The following MLF1 variants were observed in gnomAD, a reference collection of about 807,000 sequenced individuals.
MLF1 encodes the protein myelodysplasia-myeloid leukemia factor 1.
Under a neutral mutation model 38.3 loss-of-function variants are expected in MLF1, and 37 were observed. The ratio of observed to expected loss-of-function variants is 0.96; its 90% CI spans 0.74 to 1.27. The LOEUF (loss-of-function observed/expected upper bound fraction) is 1.27, where lower values mean the gene tolerates loss of function less well. Ranked by LOEUF, MLF1 falls within the 50% of genes most tolerant of loss-of-function variation. MLF1 has a pLI of 0.00. For synonymous variants in MLF1, 95 were observed against 106.5 expected, an observed-to-expected ratio of 0.89 and a Z score of 0.66; for missense variants, 331 against 349.2, an observed-to-expected ratio of 0.95 and a Z score of 0.42.
At chr3:158,594,631 T>A (rs1364379464) in intron 3 of MLF1, among the ~76,000 whole-genome samples, 1 of 152,190 alleles carries the variant, frequency 6.6e-6, no homozygotes, top group Non-Finnish European at 1.5e-5. Flanking sequence ...TAGTGATGGC[T>A]TACTTCTACT....
intron 6 of MLF1, among the ~76,000 whole-genome samples, chr3:158,601,560 A>G (rs1326327053): frequency 6.6e-6 from 1 of 151,250 alleles, no homozygotes; most frequent in East Asian, 2.0e-4. Flanking sequence ...ACAGAGCGAG[A>G]CTCTGTCTCA....
chr3:158,598,292 T>A, intron 5 of MLF1, 84 bp downstream of exon 5: 1 of 1,376,324 alleles, frequency 7.3e-7, no homozygotes, highest in South Asian at 1.4e-5. Context: ...TATTAAAATT[T>A]AATCTGGTAC....
At chr3:158,577,837 T>C (rs536464018) in intron 1 of MLF1, among the ~76,000 whole-genome samples, 1 of 152,260 alleles carries the variant, frequency 6.6e-6, no homozygotes, top group South Asian at 2.1e-4. Flanking sequence ...TAAATATCCA[T>C]GAAAAAGGAG....
chr3:158,571,802 TG>T (rs2108527746), intron 1 of MLF1, among the ~76,000 whole-genome samples: 1 of 31,098 alleles, frequency 3.2e-5, no homozygotes, highest in East Asian at 8.9e-4. Flanking sequence ...GGGGAAGGGT[TG>T]AGGGTGTGAG....
intron 1 of MLF1, 32 bp from the exon 2 acceptor site, chr3:158,592,402 G>GA: frequency 6.4e-7 from 1 of 1,568,052 alleles, no homozygotes; most frequent in South Asian, 1.2e-5. Context: ...CTCCAACACT[G>GA]AATCTTTCAT....
intron 5 of MLF1, among the ~76,000 whole-genome samples, chr3:158,598,604 A>C (rs1309515688): frequency 6.6e-6 from 1 of 152,212 alleles, no homozygotes; most frequent in Non-Finnish European, 1.5e-5. Flanking sequence ...AGTGTACAGA[A>C]AGGATATAGA....
At chr3:158,590,796 A>G in intron 1 of MLF1, 1 of 455,822 alleles carries the variant, frequency 2.2e-6, no homozygotes, top group South Asian at 1.6e-5. Flanking sequence ...CATCTTAATT[A>G]TGGTGGAGGT....
Position 158,571,250 on chromosome 3 carries a change from CAT to C in MLF1, c.-50_-49del, listed in dbSNP as rs1247672970. 6.8e-7 allele frequency: 1 copy of C among 1,472,772 alleles called. No homozygotes were observed. The highest frequency in any genetic ancestry group is 1.4e-5 in the African/African-American group (1 of 72,080). 91.2% of individuals were successfully genotyped at this position (1,472,772 alleles called of 1,614,324 possible). On this transcript the variant is annotated 5_prime_UTR_variant, in exon 1 of 8. Coordinates refer to ENST00000466246, the MANE Select transcript of MLF1 (RefSeq NM_001369783.1). ...TCTTGTCGCGGCCGCGGCGAGTTAA[CAT>C]CGTTTTTCCAATCTGTCCGCGGCTG...
At chr3:158,604,739 A>C (rs1056237191) in intron 7 of MLF1, among the ~76,000 whole-genome samples, 2 of 151,958 alleles carry the variant, frequency 1.3e-5, no homozygotes, top group Non-Finnish European at 2.9e-5. Context: ...ACTCACTGCA[A>C]CCTCCACCTC....
At chr3:158,595,820 G>A (rs752700950) in intron 3 of MLF1, among the ~76,000 whole-genome samples, 17 of 152,172 alleles carry the variant, frequency 1.1e-4, no homozygotes, top group South Asian at 2.1e-4. Flanking sequence ...TCAGAGCTCC[G>A]CTTGGTTGAA....
At chr3:158,590,115 A>G (rs1717901920) in intron 1 of MLF1, among the ~76,000 whole-genome samples, 1 of 152,232 alleles carries the variant, frequency 6.6e-6, no homozygotes, top group Non-Finnish European at 1.5e-5. Context: ...CAAGTCCAAG[A>G]CTGGGAAAAA....
chr3:158,602,702 T>G, intron 6 of MLF1, 105 bp from the exon 7 acceptor site: 1 of 1,090,876 alleles, frequency 9.2e-7, no homozygotes, highest in South Asian at 1.8e-5. Context: ...GTATTGAGGT[T>G]ACACTAATGA....
At chr3:158,582,533 C>G (rs190921933) in intron 1 of MLF1, 60 of 229,884 alleles carry the variant, frequency 2.6e-4, no homozygotes, top group African/African-American at 1.3e-3. Flanking sequence ...AAAATTAAAC[C>G]TAGGTGTGTC....
rs1400341740 is a variant in MLF1 at position 158,571,494 on chromosome 3, G to T, written c.47+147G>T. ...GTTTGAAGGAGACGAGGATTTGGAG[G>T]CCTGGGAGGGAAGAGAGAGGAGGAT... On this transcript the variant is annotated intron_variant, in intron 1 of 7. Coordinates refer to ENST00000466246, the MANE Select transcript of MLF1 (RefSeq NM_001369783.1). 4 of 904,944 alleles carry T rather than the reference G, an allele frequency of 4.4e-6. No individual in the cohort carries two copies. In the African/African-American group the frequency reaches 6.7e-5, roughly 15 times the overall value. The allele number at this position is 904,944 out of a possible 1,614,324, so 56.1% of individuals were successfully genotyped here. A position where few individuals can be genotyped will look rare whatever the true frequency, so the allele number is the denominator to read the frequency against.
intron 1 of MLF1, chr3:158,591,291 C>T: frequency 2.5e-6 from 1 of 394,508 alleles, no homozygotes; most frequent in Non-Finnish European, 4.9e-6. Flanking sequence ...TCCGGAGTAG[C>T]TGGGATTATA....
intron 3 of MLF1, 98 bp downstream of exon 3, chr3:158,593,524 TC>T (rs1576674737): frequency 1.1e-6 from 1 of 907,742 alleles, no homozygotes; most frequent in Non-Finnish European, 1.6e-6. Context: ...CAGCCTCACT[TC>T]CATAATGGCT....
rs192983874 is a variant in MLF1 at position 158,578,978 on chromosome 3, T to C, written c.47+7631T>C. Among the ~76,000 whole-genome samples the C allele has an allele frequency of 3.9e-5, 6 of 152,324 alleles. No individual in the cohort carries two copies. The East Asian group carries it at 9.6e-4, about 24-fold the overall frequency. The stretch of plus-strand genomic sequence containing the variant: ...ATATACCATGAACGTTTTCCTGGTC[T>C]TTAGATATTCACTAAAGCATGACTT... On this transcript the variant is annotated intron_variant, in intron 1 of 7. Transcript: ENST00000466246.
chr3:158,593,333 T>G, intron 2 of MLF1, 49 bp from the exon 3 acceptor site: 1 of 1,379,506 alleles, frequency 7.2e-7, no homozygotes, highest in South Asian at 1.4e-5. Context: ...TTGAGAAACT[T>G]CTATATAATA....
chr3:158,577,954 A>G (rs1715707379), intron 1 of MLF1, among the ~76,000 whole-genome samples: 1 of 152,242 alleles, frequency 6.6e-6, no homozygotes, highest in African/African-American at 2.4e-5. Context: ...ATGGAAAAAT[A>G]GAATTGCTTA....
Sources: gnomAD v4.1 joint callset for allele counts (sites outside exome capture counted in the v4.1 genomes callset) on GRCh38, gnomAD v4.1.1 for gene constraint, MANE v1.5 for transcripts, NCBI Gene and HGNC (gene_info 2026-07-23, HGNC 2026-07-21) for gene names.